The following ZNF780B variants were observed in gnomAD, a reference collection of about 807,000 sequenced individuals.
ZNF780B encodes the protein zinc finger protein 779.
A neutral mutation model predicts 74.1 loss-of-function variants in ZNF780B; 52 were observed. That is an observed-to-expected ratio of 0.70 (90% CI 0.56 to 0.88). ZNF780B has a LOEUF of 0.88. Ranked by LOEUF, ZNF780B falls within the 40% of genes least tolerant of loss-of-function variation. ZNF780B has a pLI of 0.00. For missense variants in ZNF780B, 953 were observed against 1,007.6 expected, an observed-to-expected ratio of 0.95 and a Z score of 0.73; for synonymous variants, 315 against 324.3, an observed-to-expected ratio of 0.97 and a Z score of 0.31.
Position 40,034,590 on chromosome 19 carries a change from C to G in ZNF780B, c.2269G>C (p.Glu757Gln). Residue 757 changes from glutamate (E) to glutamine (Q), a missense_variant, in exon 5 of 5, where the codon GAG becomes CAG. Physicochemically the swap from Glu to Gln is conservative, Grantham distance 29 (BLOSUM62 2). Coordinates refer to ENST00000434248, the MANE Select transcript of ZNF780B (RefSeq NM_001005851.3). ...HTGEKPFKCK[E>Q]CGKAFNRGSN... Reference sequence around the variant, plus strand: ...CCACGATTAAAGGCCTTCCCACACTCCTTACATTTAAATGGCTTCTCACCA... The same window carrying G: ...CCACGATTAAAGGCCTTCCCACACTGCTTACATTTAAATGGCTTCTCACCA... 6.2e-7 allele frequency: 1 copy of G among 1,613,996 alleles called. No individual in the cohort carries two copies. Among genetic ancestry groups the G allele is most frequent in the Non-Finnish European group, 8.5e-7 (1 of 1,179,968 alleles).
In ZNF780B at chr19:40,033,115, AAACAATTACACTAGT is replaced by A. The variant is rs905355057; in HGVS notation, c.*1227_*1241del. 5.3e-5 allele frequency: 8 copies of A among 150,618 alleles called. No individual in the cohort carries two copies. The highest frequency in any genetic ancestry group is 3.0e-3 in the Middle Eastern group (1 of 334). 9.3% of individuals were successfully genotyped at this position (150,618 alleles called of 1,614,324 possible). A position where few individuals can be genotyped will look rare whatever the true frequency, so the allele number is the denominator to read the frequency against. The stretch of plus-strand genomic sequence containing the variant: ...TATGGGCAGGATTTGTGGTATCCCC[AAACAATTACACTAGT>A]AACAATTACACTAGTAATCAAAAAA... On this transcript the variant is annotated 3_prime_UTR_variant, in exon 5 of 5. Transcript: ENST00000434248.
At chr19:40,046,543 G>T (rs1322982938) in intron 4 of ZNF780B, among the ~76,000 whole-genome samples, 3 of 152,268 alleles carry the variant, frequency 2.0e-5, no homozygotes, top group African/African-American at 7.2e-5. Context: ...TTCCTGCTCA[G>T]TCTGACTAGA....
At chr19:40,054,861 C>G (rs1339732940) in intron 1 of ZNF780B, among the ~76,000 whole-genome samples, 1 of 152,204 alleles carries the variant, frequency 6.6e-6, no homozygotes, top group Non-Finnish European at 1.5e-5. Context: ...TCTCACAGTT[C>G]ACACAAATAG....
chr19:40,049,157 C>A (rs1310970931), intron 2 of ZNF780B: 1 of 209,042 alleles, frequency 4.8e-6, no homozygotes, highest in South Asian at 7.4e-5. Flanking sequence ...TTGCTTGAGC[C>A]TGGGAGTTCA....
chr19:40,055,153 A>G (rs1973429876), intron 1 of ZNF780B, among the ~76,000 whole-genome samples: 1 of 151,230 alleles, frequency 6.6e-6, no homozygotes, highest in Admixed American at 6.6e-5. Flanking sequence ...TTTAATATAA[A>G]CCTCTGGAGG....
At chr19:40,047,037 A>C (rs995701819) in intron 4 of ZNF780B, among the ~76,000 whole-genome samples, 1 of 152,226 alleles carries the variant, frequency 6.6e-6, no homozygotes, top group East Asian at 1.9e-4. Context: ...CCAAGAGTTC[A>C]AGATCAGCTG....
At position 40,035,528 on chromosome 19, in the gene ZNF780B, G is replaced by C. The variant is rs1243131554; in HGVS notation, c.1331C>G (p.Pro444Arg). ...CATCTCACATTCCCTACATACAAAG[G>C]GTTTCTCATTGGAATGAATTTTTTG... Reference protein sequence around the residue: ...QHQKIHSNEKPFVCRECEMAF... With the variant: ...QHQKIHSNEKRFVCRECEMAF... The change falls in exon 5 of 5, where the codon CCC becomes CGC. Residue 444 changes from proline to arginine, a missense_variant. Transcript: ENST00000434248. 30 of 1,613,468 alleles carry C rather than the reference G, an allele frequency of 1.9e-5. No homozygotes were observed. The highest frequency in any genetic ancestry group is 2.5e-5 in the Non-Finnish European group (29 of 1,179,914).
chr19:40,049,015 G>C, intron 2 of ZNF780B: 1 of 585,412 alleles, frequency 1.7e-6, no homozygotes, highest in Non-Finnish European at 2.9e-6. Context: ...CTTGAGCCCA[G>C]GAGTTGGCAA....
chr19:40,044,022 G>A (rs1972807800), intron 4 of ZNF780B, among the ~76,000 whole-genome samples: 1 of 152,184 alleles, frequency 6.6e-6, no homozygotes, highest in Admixed American at 6.5e-5. Context: ...GTACACCGGA[G>A]CTGTTCCTAT....
chr19:40,035,365 C>T lies in ZNF780B; in HGVS notation c.1494G>A (p.Glu498=). The change falls in exon 5 of 5, where the codon GAG becomes GAA. Residue 498 remains glutamate (E), a synonymous_variant. Transcript: ENST00000434248. ...CACAGTCTTTACATTCAAATGGTTTCTCACCAGTATGAATGTTCTTATGTC... is the reference window on the plus strand; with the variant it reads ...CACAGTCTTTACATTCAAATGGTTTTTCACCAGTATGAATGTTCTTATGTC... ...LARHKNIHTG[E]KPFECKDCGK... is the part of the protein sequence containing the mutation. The T allele has an allele frequency of 6.2e-7, 1 of 1,613,890 alleles. No homozygotes were observed.
At position 40,052,257 on chromosome 19, in the gene ZNF780B, T is replaced by C. The variant is rs376787141; in HGVS notation, c.-45-1880A>G. On this transcript the variant is annotated intron_variant, in intron 1 of 4. Coordinates refer to ENST00000434248, the MANE Select transcript of ZNF780B (RefSeq NM_001005851.3). ...GAGGGTTATCCTGTGCACGGTACAA[T>C]GTTCAGCAGTATCCCTGACCTCTAT... 1.4e-4 allele frequency among the ~76,000 whole-genome samples: 21 copies of C among 152,252 alleles called. No individual in the cohort carries two copies. In the East Asian group the frequency reaches 2.1e-3, roughly 15 times the overall value.
intron 4 of ZNF780B, among the ~76,000 whole-genome samples, chr19:40,044,263 C>G (rs955930148): frequency 6.6e-6 from 1 of 152,150 alleles, no homozygotes; most frequent in African/African-American, 2.4e-5. Flanking sequence ...GAGATGCAGA[C>G]ATCTTGATAC....
In ZNF780B at chr19:40,047,460, A is replaced by C. The variant is rs756048640; in HGVS notation, c.147T>G (p.Ile49Met). ...GTAATGTAATCACATCTGGCTTAGA[A>C]ATGGAACTTCCTGCTTAAAAGAAAT... is the stretch of plus-strand genomic sequence containing the variant. ...YSHLISLGSS[I>M]SKPDVITLLE... Residue 49 changes from isoleucine to methionine, a missense_variant, in exon 4 of 5, where the codon ATT becomes ATG. Ile to Met is a conservative substitution (Grantham distance 10). Transcript: ENST00000434248. 6.2e-7 allele frequency: 1 copy of C among 1,610,510 alleles called. No homozygotes were observed. Among genetic ancestry groups the C allele is most frequent in the African/African-American group, 1.3e-5 (1 of 74,944 alleles).
chr19:40,053,281 G>A (rs559326710), intron 1 of ZNF780B, among the ~76,000 whole-genome samples: 6 of 152,124 alleles, frequency 3.9e-5, no homozygotes, highest in South Asian at 4.2e-4. Context: ...CTCAAAAGAC[G>A]ACATATAAAT....
chr19:40,035,098 A>T lies in ZNF780B; in HGVS notation c.1761T>A (p.Cys587Ter), dbSNP rs746957450. The stretch of plus-strand genomic sequence containing the variant: ...GTCGAAAGGCTTTCCCACATTCCTT[A>T]CATTCAAAGGGTTTCTTTCCGGTAT... ...SIHTGKKPFE[C>*]KECGKAFRLH... Residue 587 changes from cysteine (C) to a stop codon, truncating the protein, a stop_gained, in exon 5 of 5, where the codon TGT becomes TGA. Coordinates refer to ENST00000434248, the MANE Select transcript of ZNF780B (RefSeq NM_001005851.3). LOFTEE classifies it high-confidence loss of function. The T allele has an allele frequency of 1.9e-6, 3 of 1,613,586 alleles. No individual in the cohort carries two copies. Among genetic ancestry groups the T allele is most frequent in the African/African-American group, 2.7e-5 (2 of 74,918 alleles).
At chr19:40,055,240 T>G (rs1247026711) in intron 1 of ZNF780B, among the ~76,000 whole-genome samples, 1 of 142,794 alleles carries the variant, frequency 7.0e-6, no homozygotes, top group Non-Finnish European at 1.5e-5. Flanking sequence ...CTGTGAATAT[T>G]AAATGGCAAG....
intron 1 of ZNF780B, among the ~76,000 whole-genome samples, chr19:40,051,858 C>G (rs1332392721): frequency 6.6e-5 from 10 of 152,176 alleles, no homozygotes; most frequent in Admixed American, 6.5e-4. Flanking sequence ...CACCAAATAA[C>G]TCATTAAAAT....
chr19:40,037,548 T>A (rs1972398102), intron 4 of ZNF780B, among the ~76,000 whole-genome samples: 1 of 152,234 alleles, frequency 6.6e-6, no homozygotes, highest in Non-Finnish European at 1.5e-5. Flanking sequence ...CATGCTGTGA[T>A]CACCAGTGGG....
intron 4 of ZNF780B, among the ~76,000 whole-genome samples, chr19:40,040,992 G>C (rs1249408376): frequency 6.6e-6 from 1 of 151,984 alleles, no homozygotes; most frequent in Non-Finnish European, 1.5e-5. Flanking sequence ...AGTTAATTGT[G>C]ATGTTAGGGT....
Sources: gnomAD v4.1 joint callset for allele counts (sites outside exome capture counted in the v4.1 genomes callset) on GRCh38, gnomAD v4.1.1 for gene constraint, MANE v1.5 for transcripts, NCBI Gene and HGNC (gene_info 2026-07-23, HGNC 2026-07-21) for gene names.